GFRAL: variants seen among roughly 807,000 people sequenced by gnomAD.
GFRAL encodes the protein GDNF family receptor alpha like.
A neutral mutation model predicts 45.4 loss-of-function variants in GFRAL; 36 were observed. The ratio of observed to expected loss-of-function variants is 0.79; its 90% CI spans 0.61 to 1.05. The LOEUF (loss-of-function observed/expected upper bound fraction) is 1.05, where lower values mean the gene tolerates loss of function less well. Ranked by LOEUF, GFRAL falls within the 50% of genes least tolerant of loss-of-function variation. GFRAL has a pLI of 0.00. For missense variants in GFRAL, 507 were observed against 467.5 expected (o/e 1.08, Z -0.78); for synonymous variants, 166 against 154.1 (o/e 1.08, Z -0.57).
chr6:55,345,740 C>G (rs996035457), intron 3 of GFRAL, among the ~76,000 whole-genome samples: 10 of 152,090 alleles, frequency 6.6e-5, no homozygotes, highest in Admixed American at 4.6e-4. Context: ...AAGAAACTAC[C>G]ATCAGAGTGA....
intron 3 of GFRAL, among the ~76,000 whole-genome samples, chr6:55,339,355 T>TA (rs541832857): frequency 8.6e-5 from 13 of 152,012 alleles, no homozygotes; most frequent in Middle Eastern, 6.8e-3. Flanking sequence ...TTTGCAATGA[T>TA]AAAAAAATAG....
At chr6:55,389,216 G>C (rs1768716856) in intron 6 of GFRAL, among the ~76,000 whole-genome samples, 1 of 152,086 alleles carries the variant, frequency 6.6e-6, no homozygotes, top group Non-Finnish European at 1.5e-5. Context: ...GTACCCATTA[G>C]TTATTTTTCC....
intron 3 of GFRAL, among the ~76,000 whole-genome samples, chr6:55,335,056 T>A (rs958612291): frequency 6.6e-5 from 10 of 152,194 alleles, no homozygotes; most frequent in Non-Finnish European, 1.5e-4. Flanking sequence ...GGTCACATGG[T>A]AAGTATATGC....
At chr6:55,346,842 C>CCCA (rs1554187942) in intron 3 of GFRAL, among the ~76,000 whole-genome samples, 1,456 of 98,166 alleles carry the variant, frequency 0.015, 92 homozygotes, top group Non-Finnish European at 0.024. Context: ...CCCCCCCCCC[C>CCCA]AAAAAAAAGA....
chr6:55,363,683 C>A (rs371134671), intron 6 of GFRAL, among the ~76,000 whole-genome samples: 3 of 147,834 alleles, frequency 2.0e-5, no homozygotes, highest in Admixed American at 1.4e-4. Flanking sequence ...TGAGAATATG[C>A]GGTGTTTGGT....
At chr6:55,377,469 C>T (rs772291117) in intron 6 of GFRAL, among the ~76,000 whole-genome samples, 11 of 152,054 alleles carry the variant, frequency 7.2e-5, no homozygotes, top group South Asian at 2.1e-4. Flanking sequence ...ATGTTTCTAC[C>T]GTATGGCCAC....
At chr6:55,366,940 GT>G (rs1768373242) in intron 6 of GFRAL, among the ~76,000 whole-genome samples, 1 of 70,396 alleles carries the variant, frequency 1.4e-5, no homozygotes, top group Admixed American at 1.6e-4. Flanking sequence ...GGAGAGTTCT[GT>G]AGATGTCTAT....
chr6:55,340,023 A>T (rs79827189), intron 3 of GFRAL, among the ~76,000 whole-genome samples: 6,216 of 152,344 alleles, frequency 0.041, 184 homozygotes, highest in African/African-American at 0.073. Flanking sequence ...TATGGACAAG[A>T]CCTAAAGGAG....
At chr6:55,390,844 C>T (rs529272392) in intron 6 of GFRAL, among the ~76,000 whole-genome samples, 2 of 151,806 alleles carry the variant, frequency 1.3e-5, no homozygotes, top group South Asian at 4.2e-4. Context: ...GCCAAGATCG[C>T]GCCATTGCAC....
chr6:55,361,874 A>C (rs1199815605), intron 6 of GFRAL, among the ~76,000 whole-genome samples: 1 of 152,052 alleles, frequency 6.6e-6, no homozygotes, highest in Non-Finnish European at 1.5e-5. Context: ...ACTGAGTGGA[A>C]CTGAGAGGAC....
At chr6:55,340,575 A>C (rs1414980204) in intron 3 of GFRAL, among the ~76,000 whole-genome samples, 4 of 152,192 alleles carry the variant, frequency 2.6e-5, no homozygotes, top group Admixed American at 2.6e-4. Context: ...GAACAGCTCC[A>C]GTCTACAGCT....
chr6:55,350,779 G>A (rs550455162), intron 4 of GFRAL, among the ~76,000 whole-genome samples: 1 of 152,168 alleles, frequency 6.6e-6, no homozygotes, highest in Non-Finnish European at 1.5e-5. Context: ...CTGTTTTTGT[G>A]TATACTTGTG....
chr6:55,381,588 GC>G (rs1768608468), intron 6 of GFRAL, among the ~76,000 whole-genome samples: 1 of 151,866 alleles, frequency 6.6e-6, no homozygotes, highest in Non-Finnish European at 1.5e-5. Flanking sequence ...ATATGGAGGT[GC>G]ATGATACATA....
chr6:55,349,062 G>T (rs1768082140), intron 3 of GFRAL, among the ~76,000 whole-genome samples: 1 of 152,032 alleles, frequency 6.6e-6, no homozygotes, highest in Non-Finnish European at 1.5e-5. Context: ...AGAGAGGCGG[G>T]ATGATGGGTG....
At chr6:55,390,889 CACACAT>C (rs1338821484) in intron 6 of GFRAL, among the ~76,000 whole-genome samples, 3 of 84,904 alleles carry the variant, frequency 3.5e-5, no homozygotes, top group Admixed American at 1.5e-4. Context: ...CTCCATCTCA[CACACAT>C]ACACACACAC....
intron 6 of GFRAL, among the ~76,000 whole-genome samples, chr6:55,396,876 CTTTTTT>C (rs369457794): frequency 7.8e-6 from 1 of 127,890 alleles, no homozygotes. Context: ...AAGGGGGAAG[CTTTTTT>C]TTTTTTTTTT....
rs190529016 is a variant in GFRAL, at chr6:55,397,884, C to T, written c.953-1296C>T. Among the ~76,000 whole-genome samples, 297 of 151,506 alleles carry T rather than the reference C, an allele frequency of 2.0e-3. 1 individual carries two copies. Among genetic ancestry groups the T allele is most frequent in the African/African-American group, 6.5e-3 (269 of 41,118 alleles). ...CAGTGGTCCCATAAGATTATAATAC[C>T]GTATTTTTTATAGTATCTTTTCTAT... On this transcript the variant is annotated intron_variant, in intron 6 of 8. Coordinates refer to ENST00000340465, the MANE Select transcript of GFRAL (RefSeq NM_207410.2).
intron 8 of GFRAL, 53 bp downstream of exon 8, chr6:55,399,494 G>GT (rs1436976955): frequency 2.7e-6 from 3 of 1,124,922 alleles, no homozygotes; most frequent in Non-Finnish European, 4.1e-6. Context: ...ACTTAGCTGT[G>GT]TTAAAGCATG....
At chr6:55,373,574 C>T (rs1341768826) in intron 6 of GFRAL, among the ~76,000 whole-genome samples, 3 of 152,066 alleles carry the variant, frequency 2.0e-5, no homozygotes, top group Non-Finnish European at 4.4e-5. Context: ...TCTTTCCTTC[C>T]TCACCTCTGT....
Sources: gnomAD v4.1 joint callset for allele counts (sites outside exome capture counted in the v4.1 genomes callset) on GRCh38, gnomAD v4.1.1 for gene constraint, MANE v1.5 for transcripts, NCBI Gene and HGNC (gene_info 2026-07-23, HGNC 2026-07-21) for gene names.